The following WDPCP variants were observed in gnomAD, a reference collection of about 807,000 sequenced individuals.
The protein encoded by WDPCP is WD repeat containing planar cell polarity effector, also known as WD repeat-containing and planar cell polarity effector protein fritz homolog.
In WDPCP, 71 loss-of-function variants were observed where a neutral mutation model predicts 93.1. The observed-to-expected ratio is 0.76, with a 90% confidence interval of 0.63 to 0.93. The LOEUF (loss-of-function observed/expected upper bound fraction) is 0.93, where lower values mean the gene tolerates loss of function less well. WDPCP is among the 40% of genes least tolerant of loss of function. The pLI is 0.00. For synonymous variants in WDPCP, 315 were observed against 315.0 expected, an observed-to-expected ratio of 1.00 and a Z score of 0.00; for missense variants, 844 against 887.4, an observed-to-expected ratio of 0.95 and a Z score of 0.62.
intron 14 of WDPCP, among the ~76,000 whole-genome samples, chr2:63,216,002 A>G (rs1299895780): frequency 1.3e-5 from 2 of 152,264 alleles, no homozygotes; most frequent in African/African-American, 4.8e-5. Context: ...CAAAACCACA[A>G]TGAGATACCA....
At chr2:63,514,173 C>A (rs976425954) in intron 1 of WDPCP, among the ~76,000 whole-genome samples, 1 of 152,090 alleles carries the variant, frequency 6.6e-6, no homozygotes, top group Admixed American at 6.5e-5. Flanking sequence ...CTGGAGAGAG[C>A]TGGGAAAGAT....
chr2:63,666,768 G>A (rs192850998), intron 2 of WDPCP, among the ~76,000 whole-genome samples: 1 of 152,144 alleles, frequency 6.6e-6, no homozygotes, highest in Non-Finnish European at 1.5e-5. Context: ...AATGCTGAAC[G>A]TGTCGGAACC....
At chr2:63,511,957 AGG>A (rs1357869444) in intron 1 of WDPCP, among the ~76,000 whole-genome samples, 1 of 152,238 alleles carries the variant, frequency 6.6e-6, no homozygotes, top group Non-Finnish European at 1.5e-5. Flanking sequence ...CAGAGTGAAC[AGG>A]CAACCTACAG....
At chr2:63,403,905 G>GA in intron 10 of WDPCP, 143 bp downstream of exon 10, 1 of 1,140,266 alleles carries the variant, frequency 8.8e-7, no homozygotes, top group East Asian at 2.6e-5. Flanking sequence ...CCACAAAAGG[G>GA]AACTATATGG....
chr2:63,764,773 T>G (rs1331640426), intron 2 of WDPCP, among the ~76,000 whole-genome samples: 2 of 152,102 alleles, frequency 1.3e-5, no homozygotes, highest in Non-Finnish European at 2.9e-5. Flanking sequence ...GGCAAGACCA[T>G]GAAGGAGGAG....
intron 2 of WDPCP, among the ~76,000 whole-genome samples, chr2:63,686,152 A>G (rs1215145311): frequency 6.6e-6 from 1 of 152,234 alleles, no homozygotes; most frequent in Admixed American, 6.5e-5. Context: ...TGGAAGGAAG[A>G]AGTCAAGTTA....
intron 2 of WDPCP, among the ~76,000 whole-genome samples, chr2:63,694,799 A>T (rs1056746651): frequency 2.0e-5 from 3 of 152,162 alleles, no homozygotes; most frequent in Non-Finnish European, 4.4e-5. Context: ...GGAGAGGAAA[A>T]TGTGGCCTTT....
At chr2:63,679,680 C>A (rs1710468617) in intron 2 of WDPCP, among the ~76,000 whole-genome samples, 1 of 152,106 alleles carries the variant, frequency 6.6e-6, no homozygotes, top group African/African-American at 2.4e-5. Context: ...GCTTCCACGA[C>A]CTCGTTAGTA....
Position 63,121,089 on chromosome 2 carries a change from C to A in WDPCP, c.*917G>T, listed in dbSNP as rs1324495603. Among the ~76,000 whole-genome samples, 1 of 152,006 alleles carries A rather than the reference C, an allele frequency of 6.6e-6. No homozygotes were observed. Among genetic ancestry groups the A allele is most frequent in the Non-Finnish European group, 1.5e-5 (1 of 68,020 alleles). ...GCAATGTTAAGAGGGCTAGATGACA[C>A]CTGCACACTCAATGGGCAGTGTAAA... On this transcript the variant is annotated 3_prime_UTR_variant, in exon 18 of 18. Coordinates refer to ENST00000272321, the MANE Select transcript of WDPCP (RefSeq NM_015910.7).
chr2:63,754,881 A>T (rs1669938462), intron 2 of WDPCP, among the ~76,000 whole-genome samples: 1 of 152,186 alleles, frequency 6.6e-6, no homozygotes, highest in Non-Finnish European at 1.5e-5. Flanking sequence ...ATTTGGACCC[A>T]ATTTCTTAGC....
chr2:63,460,607 T>C (rs371478588), intron 6 of WDPCP, among the ~76,000 whole-genome samples: 3 of 151,934 alleles, frequency 2.0e-5, no homozygotes, highest in African/African-American at 7.3e-5. Flanking sequence ...AAATTATGTA[T>C]CAATAAAAGA....
At chr2:63,612,110 T>A (rs967776283) in intron 3 of WDPCP, among the ~76,000 whole-genome samples, 6 of 152,214 alleles carry the variant, frequency 3.9e-5, no homozygotes, top group African/African-American at 1.4e-4. Flanking sequence ...CTAGAGTTAC[T>A]GATTAACAAC....
chr2:63,529,087 T>C (rs1220002942), intron 1 of WDPCP, among the ~76,000 whole-genome samples: 1 of 152,240 alleles, frequency 6.6e-6, no homozygotes, highest in Non-Finnish European at 1.5e-5. Flanking sequence ...TTTGCTGAAG[T>C]TGCTTATCAG....
intron 14 of WDPCP, among the ~76,000 whole-genome samples, chr2:63,202,972 T>G (rs2104346396): frequency 6.6e-6 from 1 of 152,264 alleles, no homozygotes; most frequent in South Asian, 2.1e-4. Flanking sequence ...GATAAGATCT[T>G]TATATCGGGC....
chr2:63,738,652 A>G (rs1280994197), intron 2 of WDPCP, among the ~76,000 whole-genome samples: 1 of 152,254 alleles, frequency 6.6e-6, no homozygotes, highest in African/African-American at 2.4e-5. Flanking sequence ...TACTGATTAT[A>G]TTCATAGCTA....
chr2:63,817,599 C>T (rs1048072026), intron 1 of WDPCP, among the ~76,000 whole-genome samples: 1 of 152,182 alleles, frequency 6.6e-6, no homozygotes, highest in Non-Finnish European at 1.5e-5. Flanking sequence ...CAATCATTTA[C>T]ATATTGTCTA....
chr2:63,122,400 G>A (rs893126410), intron 17 of WDPCP, among the ~76,000 whole-genome samples: 2 of 152,108 alleles, frequency 1.3e-5, no homozygotes, highest in Non-Finnish European at 1.5e-5. Flanking sequence ...AAAATACTGT[G>A]TGTTCTAAAA....
At chr2:63,817,113 T>C in intron 1 of WDPCP, among the ~76,000 whole-genome samples, 1 of 79,724 alleles carries the variant, frequency 1.3e-5, no homozygotes, top group East Asian at 2.2e-4. Context: ...AGCTGCTACA[T>C]TTTTTTTTTT....
intron 2 of WDPCP, among the ~76,000 whole-genome samples, chr2:63,803,603 A>G (rs1421340522): frequency 1.3e-5 from 2 of 152,172 alleles, no homozygotes. Context: ...CTGTTAATAT[A>G]GGAATTATAT....
Sources: allele counts gnomAD v4.1 joint callset (sites outside exome capture counted in the v4.1 genomes callset), GRCh38; gene constraint gnomAD v4.1.1; transcripts MANE v1.5; gene names NCBI Gene and HGNC (gene_info 2026-07-23, HGNC 2026-07-21).